Variants in NOS1AP observed in about 807,000 individuals in gnomAD.
NOS1AP encodes nitric oxide synthase 1 adaptor protein.
NOS1AP carries 21 observed loss-of-function variants against 56.2 expected under a neutral mutation model. The observed-to-expected ratio is 0.37, with a 90% CI of 0.26 to 0.54. NOS1AP has a LOEUF of 0.54. NOS1AP is among the 20% of genes least tolerant of loss of function. The probability of loss-of-function intolerance (pLI) is 0.84; values close to 1 mark genes in which losing one functional copy is unlikely to be tolerated. For synonymous variants in NOS1AP, 270 were observed against 274.6 expected, an observed-to-expected ratio of 0.98 and a Z score of 0.17; for missense variants, 522 against 657.8, an observed-to-expected ratio of 0.79 and a Z score of 2.26.
In NOS1AP at chr1:162,083,607, C is replaced by A. The variant is rs539317505; in HGVS notation, c.105+13325C>A. On this transcript the variant is annotated intron_variant, in intron 1 of 9. Coordinates refer to ENST00000361897, the MANE Select transcript of NOS1AP (RefSeq NM_014697.3). ...CAGCCCAGGTTAAACAGACTATATT[C>A]TGGGCACCTGTATCCAAAATATGAT... Among the ~76,000 whole-genome samples, 4 of 152,266 alleles carry A rather than the reference C, an allele frequency of 2.6e-5. No homozygotes were observed. The East Asian group carries it at 5.8e-4, about 22-fold the overall frequency.
intron 3 of NOS1AP, among the ~76,000 whole-genome samples, chr1:162,296,711 T>G (rs1407224036): frequency 1.3e-5 from 2 of 152,224 alleles, no homozygotes; most frequent in African/African-American, 4.8e-5. Context: ...TGCCTCATTA[T>G]TCTTTCCTTT....
At chr1:162,193,378 C>T (rs1376418524) in intron 2 of NOS1AP, among the ~76,000 whole-genome samples, 1 of 152,128 alleles carries the variant, frequency 6.6e-6, no homozygotes, top group Non-Finnish European at 1.5e-5. Context: ...GTCCCAGTCC[C>T]TGGGCATAAA....
At chr1:162,365,606 G>T in intron 9 of NOS1AP, 37 bp downstream of exon 9, 1 of 1,602,238 alleles carries the variant, frequency 6.2e-7, no homozygotes, top group Non-Finnish European at 8.5e-7. Context: ...CTTCCTCTGT[G>T]AAGGCTCTGG....
chr1:162,286,931 A>T (rs1349371224), intron 2 of NOS1AP, among the ~76,000 whole-genome samples: 1 of 152,178 alleles, frequency 6.6e-6, no homozygotes, highest in East Asian at 1.9e-4. Flanking sequence ...CCCTGATGTG[A>T]AGATTGGTTC....
At chr1:162,176,843 CCA>C (rs1351507256) in intron 2 of NOS1AP, among the ~76,000 whole-genome samples, 2 of 152,192 alleles carry the variant, frequency 1.3e-5, no homozygotes, top group South Asian at 2.1e-4. Context: ...TATGAATGTA[CCA>C]CAGTTTTTTC....
At chr1:162,101,122 A>G (rs1035670491) in intron 1 of NOS1AP, among the ~76,000 whole-genome samples, 6 of 152,146 alleles carry the variant, frequency 3.9e-5, no homozygotes, top group Non-Finnish European at 8.8e-5. Context: ...TATATGGTGT[A>G]AGGAAGGGGT....
At chr1:162,208,391 T>C (rs1652235686) in intron 2 of NOS1AP, among the ~76,000 whole-genome samples, 1 of 152,232 alleles carries the variant, frequency 6.6e-6, no homozygotes, top group African/African-American at 2.4e-5. Context: ...AATTCTTAAG[T>C]GCCTACAAAG....
chr1:162,094,352 T>C (rs1406961020), intron 1 of NOS1AP, among the ~76,000 whole-genome samples: 1 of 152,194 alleles, frequency 6.6e-6, no homozygotes, highest in African/African-American at 2.4e-5. Flanking sequence ...GAGAGTGATA[T>C]TTGCTTGTTT....
At chr1:162,103,108 C>T (rs1337141770) in intron 1 of NOS1AP, among the ~76,000 whole-genome samples, 32 of 152,026 alleles carry the variant, frequency 2.1e-4, no homozygotes, top group African/African-American at 7.5e-4. Context: ...GTTTTAGCTG[C>T]GTCCCAGAGA....
At chr1:162,134,044 T>C (rs1468355120) in intron 1 of NOS1AP, among the ~76,000 whole-genome samples, 1 of 152,076 alleles carries the variant, frequency 6.6e-6, no homozygotes, top group Non-Finnish European at 1.5e-5. Context: ...TGGGAGAAAA[T>C]GAATTTCAGT....
chr1:162,145,830 G>A (rs1558121327), intron 1 of NOS1AP, among the ~76,000 whole-genome samples: 1 of 152,146 alleles, frequency 6.6e-6, no homozygotes, highest in Non-Finnish European at 1.5e-5. Context: ...GTATGACCAG[G>A]AGACCAGCGG....
chr1:162,234,911 G>A (rs1170492650), intron 2 of NOS1AP, among the ~76,000 whole-genome samples: 1 of 152,158 alleles, frequency 6.6e-6, no homozygotes, highest in Non-Finnish European at 1.5e-5. Flanking sequence ...GCAATCGGCT[G>A]TTGAGGCAGA....
rs1649848021 is a variant in NOS1AP at position 162,154,487 on chromosome 1, A to G, written c.177+11A>G. 9.9e-6 allele frequency: 16 copies of G among 1,613,804 alleles called. No individual in the cohort carries two copies. The highest frequency in any genetic ancestry group is 1.2e-5 in the Non-Finnish European group (14 of 1,179,722). On this transcript the variant is annotated intron_variant, in intron 2 of 9. Coordinates refer to ENST00000361897, the MANE Select transcript of NOS1AP (RefSeq NM_014697.3). ...ATGCGCCGGATACGGGTGAGTGGCC[A>G]GAGGTGGACTGTGTGGAGCGGGGAG...
intron 2 of NOS1AP, among the ~76,000 whole-genome samples, chr1:162,252,356 G>A (rs559173448): frequency 1.7e-4 from 26 of 152,252 alleles, no homozygotes; most frequent in African/African-American, 6.0e-4. Flanking sequence ...CAGCCCAGGG[G>A]GTGGATTCTG....
chr1:162,118,968 G>A (rs1209898103), intron 1 of NOS1AP, among the ~76,000 whole-genome samples: 1 of 152,144 alleles, frequency 6.6e-6, no homozygotes, highest in Non-Finnish European at 1.5e-5. Context: ...AGACCTATGA[G>A]AAAGTTCATG....
At chr1:162,101,345 T>C (rs1647254726) in intron 1 of NOS1AP, among the ~76,000 whole-genome samples, 1 of 152,210 alleles carries the variant, frequency 6.6e-6, no homozygotes, top group Non-Finnish European at 1.5e-5. Context: ...TGGAGCCTTG[T>C]AGTATAGTTT....
intron 4 of NOS1AP, among the ~76,000 whole-genome samples, chr1:162,308,651 G>A (rs1655925233): frequency 6.6e-6 from 1 of 152,230 alleles, no homozygotes; most frequent in African/African-American, 2.4e-5. Flanking sequence ...CCTCCATTCT[G>A]CAGAGGAATC....
intron 2 of NOS1AP, among the ~76,000 whole-genome samples, chr1:162,219,036 G>A (rs962802135): frequency 1.3e-5 from 2 of 152,036 alleles, no homozygotes; most frequent in Non-Finnish European, 2.9e-5. Flanking sequence ...AGCAGAATGT[G>A]CAAGTGAGGT....
At chr1:162,114,093 G>C (rs976224939) in intron 1 of NOS1AP, among the ~76,000 whole-genome samples, 13 of 152,258 alleles carry the variant, frequency 8.5e-5, no homozygotes, top group Non-Finnish European at 2.9e-5. Context: ...ACAGTGTTTG[G>C]ATTATAAACA....
Sources: gnomAD v4.1 joint callset for allele counts (sites outside exome capture counted in the v4.1 genomes callset) on GRCh38, gnomAD v4.1.1 for gene constraint, MANE v1.5 for transcripts, NCBI Gene and HGNC (gene_info 2026-07-23, HGNC 2026-07-21) for gene names.